Variants in DAB1 observed in about 807,000 individuals in gnomAD.
DAB1 encodes disabled homolog 1.
DAB1 carries 15 observed loss-of-function variants against 64.6 expected under a neutral mutation model. The ratio of observed to expected loss-of-function variants is 0.23; its 90% CI spans 0.16 to 0.36. DAB1 has a LOEUF of 0.36. Among genes scored for constraint, DAB1 ranks in the 10% least tolerant of loss-of-function variants. DAB1 has a pLI of 1.00. For synonymous variants in DAB1, 235 were observed against 251.9 expected (o/e 0.93, Z 0.64); for missense variants, 596 against 706.7 (o/e 0.84, Z 1.78).
intron 4 of DAB1, among the ~76,000 whole-genome samples, chr1:58,169,152 A>C (rs1179910192): frequency 6.6e-6 from 1 of 152,196 alleles, no homozygotes; most frequent in Non-Finnish European, 1.5e-5. Flanking sequence ...AGTGAGCACA[A>C]CTATTCCAAT....
chr1:57,493,351 C>G (rs978954323), intron 7 of DAB1, among the ~76,000 whole-genome samples: 5 of 152,048 alleles, frequency 3.3e-5, no homozygotes, highest in African/African-American at 1.2e-4. Flanking sequence ...CTAAATTTAG[C>G]TATATTGGGC....
At chr1:57,884,090 G>A (rs1325304343), upstream of DAB1, 1 of 152,330 alleles carries the variant, frequency 6.6e-6, no homozygotes, top group Non-Finnish European at 1.5e-5. Context: ...GACTGAAGAA[G>A]CTGGATGATG....
rs1049719265 is a variant in DAB1, at chr1:57,015,310, G to A, written c.1017C>T (p.Ile339=). The A allele has an allele frequency of 9.3e-6, 15 of 1,613,972 alleles. No homozygotes were observed. Among genetic ancestry groups the A allele is most frequent in the South Asian group, 2.2e-5 (2 of 91,074 alleles). Residue 339 remains isoleucine, a synonymous_variant, in exon 12 of 15, where the codon ATC becomes ATT. Coordinates refer to ENST00000371236, the MANE Select transcript of DAB1 (RefSeq NM_001365792.1). ...VAQVMPGAQP[I]AWGQPGLFPA... is the part of the protein sequence containing the mutation. ...GAAAGAGACCCGGCTGGCCCCATGC[G>A]ATGGGCTGAGCCCCCGGCATCACCT...
chr1:57,632,684 T>C (rs1026338968), intron 7 of DAB1, among the ~76,000 whole-genome samples: 1 of 152,124 alleles, frequency 6.6e-6, no homozygotes, highest in South Asian at 2.1e-4. Context: ...TCACTCATGG[T>C]AAGAGGAAGT....
At chr1:57,132,815 T>C (rs1232896217) in intron 4 of DAB1, among the ~76,000 whole-genome samples, 2 of 152,042 alleles carry the variant, frequency 1.3e-5, no homozygotes, top group South Asian at 4.2e-4. Flanking sequence ...TTGTCTTCAC[T>C]CAGGAAAGCT....
chr1:57,470,190 C>T (rs969463366), intron 7 of DAB1, among the ~76,000 whole-genome samples: 2 of 152,194 alleles, frequency 1.3e-5, no homozygotes, highest in Non-Finnish European at 2.9e-5. Flanking sequence ...GAGAAATGAG[C>T]TGTTTCACTC....
intron 1 of DAB1, among the ~76,000 whole-genome samples, chr1:57,323,047 ATTT>A (rs10671263): frequency 2.0e-4 from 31 of 151,678 alleles, no homozygotes; most frequent in African/African-American, 7.2e-4. Context: ...GAGTTCTGAG[ATTT>A]TTTTTTGCAT....
At chr1:58,447,862 A>C (rs909081912) in intron 3 of DAB1, among the ~76,000 whole-genome samples, 3 of 151,926 alleles carry the variant, frequency 2.0e-5, no homozygotes, top group African/African-American at 7.3e-5. Flanking sequence ...TTAAACAAAA[A>C]AAAAAAAAAA....
At chr1:57,930,082 G>A (rs768772269) in intron 5 of DAB1, among the ~76,000 whole-genome samples, 1 of 152,200 alleles carries the variant, frequency 6.6e-6, no homozygotes, top group Non-Finnish European at 1.5e-5. Flanking sequence ...AGGGTATAAA[G>A]TCTGGGTCTA....
chr1:57,973,864 T>A (rs377722265), intron 5 of DAB1, among the ~76,000 whole-genome samples: 36 of 152,282 alleles, frequency 2.4e-4, no homozygotes, highest in African/African-American at 8.7e-4. Context: ...CTTCTCCAGA[T>A]AATACCCAGC....
At chr1:57,403,867 T>C (rs1255177247) in intron 1 of DAB1, among the ~76,000 whole-genome samples, 1 of 152,190 alleles carries the variant, frequency 6.6e-6, no homozygotes, top group African/African-American at 2.4e-5. Flanking sequence ...TCAGTCTCAC[T>C]AGCTACATTT....
chr1:57,762,265 T>C (rs568319956), intron 6 of DAB1, among the ~76,000 whole-genome samples: 1 of 151,800 alleles, frequency 6.6e-6, no homozygotes, highest in Non-Finnish European at 1.5e-5. Flanking sequence ...GAGGCCTGCG[T>C]CCCTTCCAAA....
chr1:58,544,311 C>G (rs977196522), intron 1 of DAB1, among the ~76,000 whole-genome samples: 3 of 152,016 alleles, frequency 2.0e-5, no homozygotes, highest in Non-Finnish European at 4.4e-5. Flanking sequence ...AAATGCTAGG[C>G]ACCATAATGG....
intron 3 of DAB1, among the ~76,000 whole-genome samples, chr1:58,387,722 C>CTTTTTTT (rs35563837): frequency 1.5e-5 from 1 of 65,526 alleles, no homozygotes; most frequent in Non-Finnish European, 3.3e-5. Flanking sequence ...CTTTTCTTTT[C>CTTTTTTT]TTTTTTTTTT....
chr1:57,031,640 C>G (rs1421827217), intron 9 of DAB1, among the ~76,000 whole-genome samples: 1 of 152,232 alleles, frequency 6.6e-6, no homozygotes, highest in African/African-American at 2.4e-5. Context: ...CCACCAGCAT[C>G]TTGTTCATCG....
intron 5 of DAB1, among the ~76,000 whole-genome samples, chr1:58,133,057 A>G (rs902418033): frequency 7.2e-5 from 11 of 152,168 alleles, no homozygotes; most frequent in African/African-American, 2.7e-4. Flanking sequence ...TTATTTCTTA[A>G]AAACTGAATG....
chr1:57,120,921 G>A (rs934295652), intron 4 of DAB1, among the ~76,000 whole-genome samples: 1 of 152,058 alleles, frequency 6.6e-6, no homozygotes, highest in African/African-American at 2.4e-5. Context: ...AAAAGTGGCT[G>A]GTGTGTGGAA....
At chr1:57,977,787 G>A (rs970157124) in intron 5 of DAB1, among the ~76,000 whole-genome samples, 3 of 151,972 alleles carry the variant, frequency 2.0e-5, no homozygotes, top group African/African-American at 7.2e-5. Context: ...TTAAGAACCA[G>A]ATGAGATAAG....
intron 2 of DAB1, among the ~76,000 whole-genome samples, chr1:58,506,850 T>C (rs957413721): frequency 6.6e-6 from 1 of 152,146 alleles, no homozygotes; most frequent in African/African-American, 2.4e-5. Context: ...ATTTAATTCA[T>C]ATACCTTATA....
Sources: allele counts gnomAD v4.1 joint callset (sites outside exome capture counted in the v4.1 genomes callset), GRCh38; gene constraint gnomAD v4.1.1; transcripts MANE v1.5; gene names NCBI Gene and HGNC (gene_info 2026-07-23, HGNC 2026-07-21).